EPG5: variants seen among roughly 807,000 people sequenced by gnomAD.
The protein encoded by EPG5 is ectopic P-granules 5 autophagy tethering factor, also known as ectopic P granules protein 5 homolog.
A neutral mutation model predicts 302.7 loss-of-function variants in EPG5; 159 were observed. The observed-to-expected ratio is 0.53, with a 90% CI of 0.46 to 0.60. EPG5 has a LOEUF of 0.60. EPG5 is among the 20% of genes least tolerant of loss of function. The probability of loss-of-function intolerance (pLI) is 0.00; values close to 1 mark genes in which losing one functional copy is unlikely to be tolerated. For synonymous variants in EPG5, 1,158 were observed against 1,136.8 expected, an observed-to-expected ratio of 1.02 and a Z score of -0.37; for missense variants, 2,896 against 3,092.4, an observed-to-expected ratio of 0.94 and a Z score of 1.51.
In EPG5 at chr18:45,882,406, G is replaced by A; in HGVS notation, c.5386C>T (p.Leu1796Phe). 6.2e-7 allele frequency: 1 copy of A among 1,614,202 alleles called. No homozygotes were observed. The highest frequency in any genetic ancestry group is 1.1e-5 in the South Asian group (1 of 91,086). Residue 1796 changes from leucine to phenylalanine, a missense_variant, in exon 31 of 44, where the codon CTT becomes TTT. Leu to Phe is a conservative substitution (Grantham distance 22). Coordinates refer to ENST00000282041, the MANE Select transcript of EPG5 (RefSeq NM_020964.3). ...TCTGGTTCAAGGCCCCAGGCAGTAA[G>A]TGCCAAGTGAATGGACTCCAGAAGC... ...TRLLESIHLALTAWGLEPDED... is the reference protein window; with the variant it reads ...TRLLESIHLAFTAWGLEPDED...
chr18:45,927,828 C>T (rs2050310551), intron 13 of EPG5, among the ~76,000 whole-genome samples: 1 of 151,818 alleles, frequency 6.6e-6, no homozygotes, highest in Non-Finnish European at 1.5e-5. Flanking sequence ...GGCTTAGGGC[C>T]CTAATCTATG....
chr18:45,897,136 C>G (rs1033871092), intron 27 of EPG5, among the ~76,000 whole-genome samples: 1 of 152,230 alleles, frequency 6.6e-6, no homozygotes, highest in African/African-American at 2.4e-5. Flanking sequence ...AGAGCTTCAG[C>G]TCCCTGGCCT....
Position 45,899,384 on chromosome 18 carries a change from G to C in EPG5, c.4809+20C>G. The C allele has an allele frequency of 6.2e-7, 1 of 1,613,490 alleles. No homozygotes were observed. Among genetic ancestry groups the C allele is most frequent in the Non-Finnish European group, 8.5e-7 (1 of 1,179,534 alleles). Reference sequence around the variant, plus strand: ...ACTCAATTAAAATTCTCTCAGTTCTGAAGAAATTTAAACACTTACCTGAAC... The same window carrying C: ...ACTCAATTAAAATTCTCTCAGTTCTCAAGAAATTTAAACACTTACCTGAAC... On this transcript the variant is annotated intron_variant, in intron 27 of 43. Coordinates refer to ENST00000282041, the MANE Select transcript of EPG5 (RefSeq NM_020964.3).
intron 29 of EPG5, among the ~76,000 whole-genome samples, chr18:45,885,284 A>G (rs927576281): frequency 6.6e-6 from 1 of 152,174 alleles, no homozygotes; most frequent in East Asian, 1.9e-4. Context: ...GGTTGCAGTA[A>G]GCTGACATCA....
intron 14 of EPG5, among the ~76,000 whole-genome samples, chr18:45,924,027 A>C (rs1185659843): frequency 3.1e-5 from 4 of 129,064 alleles, no homozygotes; most frequent in Non-Finnish European, 6.3e-5. Flanking sequence ...ATTCTGACTC[A>C]AAAAAAAAAA....
Position 45,891,594 on chromosome 18 carries a change from C to T in EPG5, c.4810-1654G>A, listed in dbSNP as rs567919758. ...CCAGCACAGCATAACTCTGACAATA[C>T]ACTGAGCAACTATTTTTTATGACTG... On this transcript the variant is annotated intron_variant, in intron 27 of 43. Coordinates refer to ENST00000282041, the MANE Select transcript of EPG5 (RefSeq NM_020964.3). 2.5e-4 allele frequency among the ~76,000 whole-genome samples: 38 copies of T among 151,272 alleles called. No individual in the cohort carries two copies. The South Asian group carries it at 7.9e-3, about 32-fold the overall frequency.
At chr18:45,919,099 A>G (rs1028471972) in intron 16 of EPG5, among the ~76,000 whole-genome samples, 5 of 152,250 alleles carry the variant, frequency 3.3e-5, no homozygotes, top group Non-Finnish European at 5.9e-5. Context: ...CAGAAAAAAA[A>G]TCAATGATTT....
the EPG5 span, among the ~76,000 whole-genome samples, chr18:45,824,714 T>A: frequency 1.3e-5 from 2 of 152,000 alleles, no homozygotes; most frequent in Admixed American, 1.3e-4. Flanking sequence ...GAGGAGGTGG[T>A]GTCAAGGGGG....
chr18:45,865,459 A>T (rs1244923965), intron 39 of EPG5, among the ~76,000 whole-genome samples, 156 bp downstream of exon 39: 3 of 152,064 alleles, frequency 2.0e-5, no homozygotes, highest in Non-Finnish European at 2.9e-5. Context: ...ATCCTTCCCC[A>T]CTGCTGAGTC....
rs1421324259 is a variant in EPG5, at chr18:45,954,944, T to G, written c.458A>C (p.Glu153Ala). ...AGAAAAATTAGATTGGGGTGCACTT[T>G]CTGAAAGTCCACCTTGTACCGACAT... is the stretch of plus-strand genomic sequence containing the variant. Reference protein sequence around the residue: ...ENMSVQGGLSESAPQSNFSYT... With the variant: ...ENMSVQGGLSASAPQSNFSYT... The change falls in exon 2 of 44, where the codon GAA (glutamate) becomes GCA (alanine). Residue 153 changes from glutamate to alanine, a missense_variant. Glu to Ala is a moderately radical substitution (Grantham distance 107). Coordinates refer to ENST00000282041, the MANE Select transcript of EPG5 (RefSeq NM_020964.3). 6.2e-7 allele frequency: 1 copy of G among 1,613,646 alleles called. No individual in the cohort carries two copies. Among genetic ancestry groups the G allele is most frequent in the African/African-American group, 1.3e-5 (1 of 74,872 alleles).
At position 45,915,909 on chromosome 18, in the gene EPG5, C is replaced by T. The variant is rs999201047; in HGVS notation, c.3582+100G>A. The T allele has an allele frequency of 8.6e-5, 93 of 1,086,936 alleles. No homozygotes were observed. The Middle Eastern group carries it at 1.5e-3, about 18-fold the overall frequency. 67.3% of individuals were successfully genotyped at this position (1,086,936 alleles called of 1,614,324 possible). A position where few individuals can be genotyped will look rare whatever the true frequency, so the allele number is the denominator to read the frequency against. On this transcript the variant is annotated intron_variant, in intron 19 of 43. Transcript: ENST00000282041. The stretch of plus-strand genomic sequence containing the variant: ...AGGCAAAGCTTAAAGAAGGTAATGG[C>T]CACAGAGTAGAACTGAAAACTGTAC...
rs557679155 is a variant in EPG5, at chr18:45,848,932, C to T, written c.*3535G>A. On this transcript the variant is annotated 3_prime_UTR_variant, in exon 44 of 44. Coordinates refer to ENST00000282041, the MANE Select transcript of EPG5 (RefSeq NM_020964.3). The stretch of plus-strand genomic sequence containing the variant: ...GAAACCCTGTCTCTACTAAAAAATA[C>T]AAAAATTAGCCGGGCGTGGTGGCAT... The T allele has an allele frequency of 6.6e-6, 1 of 152,074 alleles. No individual in the cohort carries two copies. Among genetic ancestry groups the T allele is most frequent in the Non-Finnish European group, 1.5e-5 (1 of 68,042 alleles). The allele number at this position is 152,074 out of a possible 1,614,324, so 9.4% of individuals were successfully genotyped here. A position where few individuals can be genotyped will look rare whatever the true frequency, so the allele number is the denominator to read the frequency against.
In EPG5 at chr18:45,944,226, A is replaced by G. The variant is rs2145913857; in HGVS notation, c.1678-107T>C. On this transcript the variant is annotated intron_variant, in intron 7 of 43. Transcript: ENST00000282041. ...CAGGTCTCAATGGTATACATGTGAT[A>G]TCCTCATGAGTCTTCATGGACCTTT... 5.7e-6 allele frequency: 4 copies of G among 695,964 alleles called. No individual in the cohort carries two copies. In the East Asian group the frequency reaches 1.1e-4, roughly 18 times the overall value. The allele number at this position is 695,964 out of a possible 1,614,324, so 43.1% of individuals were successfully genotyped here.
rs137893768 is a variant in EPG5, at chr18:45,963,453, G to A, written c.63+3724C>T. ...GGAGTTTGAGAAGAGCCTGGCCAAC[G>A]TGGTGAAACTCCGTCTCTACTAAAA... On this transcript the variant is annotated intron_variant, in intron 1 of 43. Coordinates refer to ENST00000282041, the MANE Select transcript of EPG5 (RefSeq NM_020964.3). Among the ~76,000 whole-genome samples, 1,307 of 152,178 alleles carry A rather than the reference G, an allele frequency of 8.6e-3. 35 individuals carry two copies. The highest frequency in any genetic ancestry group is 0.05 in the Admixed American group (765 of 15,270).
At chr18:45,861,257 A>G (rs544462669) in intron 39 of EPG5, among the ~76,000 whole-genome samples, 2 of 152,236 alleles carry the variant, frequency 1.3e-5, no homozygotes, top group Non-Finnish European at 2.9e-5. Flanking sequence ...AGTTTGAGAG[A>G]GATAGTAACA....
chr18:45,952,874 C>T (rs1312689626), intron 2 of EPG5, among the ~76,000 whole-genome samples: 1 of 152,096 alleles, frequency 6.6e-6, no homozygotes, highest in Non-Finnish European at 1.5e-5. Flanking sequence ...GGAAGAGTAA[C>T]TCTAGTAGTC....
chr18:45,962,112 C>T (rs994465576), intron 1 of EPG5, among the ~76,000 whole-genome samples: 2 of 152,046 alleles, frequency 1.3e-5, no homozygotes, highest in Non-Finnish European at 2.9e-5. Context: ...GTTTTCGGAA[C>T]ATAATGGGTG....
At chr18:45,911,106 C>CAT (rs200695340) in intron 22 of EPG5, among the ~76,000 whole-genome samples, 2,012 of 144,836 alleles carry the variant, frequency 0.014, 48 homozygotes, top group African/African-American at 0.05. Context: ...CACACACACA[C>CAT]ACACATATAT....
At position 45,847,632 on chromosome 18, in the gene EPG5, A is replaced by G. The variant is rs922365430; in HGVS notation, c.*4835T>C. 1 of 152,588 alleles carries G rather than the reference A, an allele frequency of 6.6e-6. No individual in the cohort carries two copies. The highest frequency in any genetic ancestry group is 1.5e-5 in the Non-Finnish European group (1 of 68,024). 9.5% of individuals were successfully genotyped at this position (152,588 alleles called of 1,614,324 possible). On this transcript the variant is annotated 3_prime_UTR_variant, in exon 44 of 44. Transcript: ENST00000282041. ...TGTAAATTAAATTCGAATCTAGTTT[A>G]TTTGCAGAATTTTACTTAACCAGTT...
Sources: allele counts gnomAD v4.1 joint callset (sites outside exome capture counted in the v4.1 genomes callset), GRCh38; gene constraint gnomAD v4.1.1; transcripts MANE v1.5; gene names NCBI Gene and HGNC (gene_info 2026-07-23, HGNC 2026-07-21).